The following PRKCH variants were observed in gnomAD, a reference collection of about 807,000 sequenced individuals.
PRKCH encodes the protein protein kinase C eta type.
A neutral mutation model predicts 82.5 loss-of-function variants in PRKCH; 28 were observed. The ratio of observed to expected loss-of-function variants is 0.34; its 90% confidence interval spans 0.25 to 0.47. The LOEUF (loss-of-function observed/expected upper bound fraction) is 0.47. Among genes scored for constraint, PRKCH ranks in the 20% least tolerant of loss-of-function variants. The probability of loss-of-function intolerance (pLI) is 1.00; values close to 1 mark genes in which losing one functional copy is unlikely to be tolerated. For synonymous variants in PRKCH, 322 were observed against 327.4 expected, an observed-to-expected ratio of 0.98 and a Z score of 0.18; for missense variants, 705 against 881.8, an observed-to-expected ratio of 0.80 and a Z score of 2.54.
chr14:61,206,196 T>A (rs2044522385), intron 1 of PRKCH, among the ~76,000 whole-genome samples: 1 of 152,244 alleles, frequency 6.6e-6, no homozygotes. Context: ...CTTGGGGGCT[T>A]AGCTTAAAGC....
At chr14:61,503,569 A>G (rs1198543149) in intron 10 of PRKCH, among the ~76,000 whole-genome samples, 1 of 152,072 alleles carries the variant, frequency 6.6e-6, no homozygotes, top group Non-Finnish European at 1.5e-5. Context: ...CAGAATGTAA[A>G]ATATGAAGTG....
intron 1 of PRKCH, among the ~76,000 whole-genome samples, chr14:61,246,653 A>T (rs1280153120): frequency 1.3e-5 from 2 of 151,700 alleles, no homozygotes; most frequent in Non-Finnish European, 2.9e-5. Context: ...CCAAGAATGG[A>T]CTCCCAGGTA....
chr14:61,282,717 A>G (rs2045282605), intron 1 of PRKCH, among the ~76,000 whole-genome samples: 1 of 152,198 alleles, frequency 6.6e-6, no homozygotes. Context: ...TTAAAAAGTA[A>G]TATTGATTTA....
At chr14:61,216,469 CA>C (rs879803015) in intron 1 of PRKCH, among the ~76,000 whole-genome samples, 16 of 134,578 alleles carry the variant, frequency 1.2e-4, no homozygotes, top group South Asian at 4.8e-4. Flanking sequence ...GACTCTGTCT[CA>C]AAAAAAAAAC....
At chr14:61,248,261 C>A (rs957775010) in intron 1 of PRKCH, among the ~76,000 whole-genome samples, 2 of 152,136 alleles carry the variant, frequency 1.3e-5, no homozygotes, top group Admixed American at 1.3e-4. Flanking sequence ...AACTCACCCA[C>A]CTAGAGTTAC....
intron 9 of PRKCH, chr14:61,476,356 G>A (rs1386956143): frequency 1.3e-5 from 2 of 152,222 alleles, no homozygotes; most frequent in African/African-American, 4.8e-5. Flanking sequence ...TGGAAAAGAA[G>A]ACCAAGTGCA....
chr14:61,377,943 A>G (rs963831905), intron 1 of PRKCH, among the ~76,000 whole-genome samples: 1 of 152,120 alleles, frequency 6.6e-6, no homozygotes, highest in Non-Finnish European at 1.5e-5. Context: ...TTGGCCTGCA[A>G]TCTAAGGTTA....
intron 1 of PRKCH, among the ~76,000 whole-genome samples, chr14:61,248,867 T>C (rs1250937944): frequency 2.0e-5 from 3 of 152,090 alleles, no homozygotes; most frequent in African/African-American, 7.2e-5. Context: ...AGTGGCTTGA[T>C]CTCGGGTCAC....
At chr14:61,379,267 G>C (rs1013753593) in intron 1 of PRKCH, among the ~76,000 whole-genome samples, 1 of 151,864 alleles carries the variant, frequency 6.6e-6, no homozygotes, top group Non-Finnish European at 1.5e-5. Flanking sequence ...TTGTACAAAC[G>C]TTCCCTCTTT....
chr14:61,211,300 A>C (rs1010455995), intron 1 of PRKCH, among the ~76,000 whole-genome samples: 4 of 152,168 alleles, frequency 2.6e-5, no homozygotes, highest in Non-Finnish European at 5.9e-5. Context: ...AGTGCATGGC[A>C]CCTACGCCAA....
intron 11 of PRKCH, 42 bp downstream of exon 11, chr14:61,529,255 C>A: frequency 1.3e-6 from 2 of 1,562,372 alleles, no homozygotes; most frequent in South Asian, 1.2e-5. Context: ...TCTGAGCTCT[C>A]CAGTAACTCT....
At chr14:61,504,736 C>T (rs1271229740) in intron 10 of PRKCH, among the ~76,000 whole-genome samples, 1 of 152,164 alleles carries the variant, frequency 6.6e-6, no homozygotes, top group Non-Finnish European at 1.5e-5. Flanking sequence ...TAACATCAGT[C>T]ACTACCTTAG....
chr14:61,193,087 G>T (rs1194787388), intron 1 of PRKCH, among the ~76,000 whole-genome samples: 1 of 152,216 alleles, frequency 6.6e-6, no homozygotes, highest in Admixed American at 6.5e-5. Flanking sequence ...GCAATCATGG[G>T]AAAGATGGTG....
At chr14:61,528,558 C>T (rs773590146) in intron 10 of PRKCH, among the ~76,000 whole-genome samples, 7 of 152,246 alleles carry the variant, frequency 4.6e-5, no homozygotes, top group South Asian at 2.1e-4. Context: ...ACACAATCCC[C>T]GCCGTCATGG....
intron 1 of PRKCH, among the ~76,000 whole-genome samples, chr14:61,388,329 A>G (rs1430613953): frequency 1.3e-5 from 2 of 152,268 alleles, no homozygotes; most frequent in South Asian, 4.1e-4. Context: ...CGGCTTTTCC[A>G]CCACAGTGGG....
chr14:61,351,138 C>T (rs1019976356), intron 1 of PRKCH, among the ~76,000 whole-genome samples: 4 of 152,148 alleles, frequency 2.6e-5, no homozygotes, highest in African/African-American at 9.7e-5. Context: ...AAAAGATACT[C>T]TACTAAAAAG....
chr14:61,460,679 C>T (rs1884989752), intron 9 of PRKCH, among the ~76,000 whole-genome samples: 1 of 152,176 alleles, frequency 6.6e-6, no homozygotes, highest in Admixed American at 6.5e-5. Context: ...ACGGCAGAGT[C>T]CAGGCAGGCT....
chr14:61,395,427 A>G lies in PRKCH; in HGVS notation c.427+4139A>G, dbSNP rs1453943666. Among the ~76,000 whole-genome samples, 3 of 151,988 alleles carry G rather than the reference A, an allele frequency of 2.0e-5. No homozygotes were observed. The East Asian group carries it at 5.8e-4, about 29-fold the overall frequency. On this transcript the variant is annotated intron_variant, in intron 2 of 13. Transcript: ENST00000332981. Reference sequence around the variant, plus strand: ...ATAATATGACAGGTTGGCTGGTGCAACATTTGGAGCTCTAGTTCCCATCTT... The same window carrying G: ...ATAATATGACAGGTTGGCTGGTGCAGCATTTGGAGCTCTAGTTCCCATCTT...
At chr14:61,204,319 T>C (rs899501314) in intron 1 of PRKCH, among the ~76,000 whole-genome samples, 11 of 152,232 alleles carry the variant, frequency 7.2e-5, no homozygotes, top group African/African-American at 2.7e-4. Context: ...TAAATTCCAT[T>C]ATTTTGCATT....
Sources: gnomAD v4.1 joint callset for allele counts (sites outside exome capture counted in the v4.1 genomes callset) on GRCh38, gnomAD v4.1.1 for gene constraint, MANE v1.5 for transcripts, NCBI Gene and HGNC (gene_info 2026-07-23, HGNC 2026-07-21) for gene names.